Variants in MCTP1 observed in about 807,000 individuals in gnomAD.
MCTP1 encodes the protein multiple C2 and transmembrane domain containing 1.
In MCTP1, 69 loss-of-function variants were observed where a neutral mutation model predicts 120.6. The ratio of observed to expected loss-of-function variants is 0.57; its 90% CI spans 0.47 to 0.70. The LOEUF (loss-of-function observed/expected upper bound fraction) is 0.70. MCTP1 is among the 30% of genes least tolerant of loss of function. The probability of loss-of-function intolerance (pLI) is 0.00; values close to 1 mark genes in which losing one functional copy is unlikely to be tolerated. For synonymous variants in MCTP1, 529 were observed against 493.1 expected, an observed-to-expected ratio of 1.07 and a Z score of -0.96; for missense variants, 1,203 against 1,248.8, an observed-to-expected ratio of 0.96 and a Z score of 0.55.
intron 2 of MCTP1, among the ~76,000 whole-genome samples, chr5:94,957,597 A>G (rs1822961896): frequency 6.6e-6 from 1 of 152,080 alleles, no homozygotes; most frequent in Non-Finnish European, 1.5e-5. Flanking sequence ...GAAAAAAAAG[A>G]AAAAGCAGGG....
At chr5:94,754,081 C>T (rs13175855) in intron 19 of MCTP1, among the ~76,000 whole-genome samples, 19,767 of 152,062 alleles carry the variant, frequency 0.13, 1,588 homozygotes, top group East Asian at 0.26. Context: ...TTTTTAAAAA[C>T]GGGTCTTAAT....
At chr5:95,112,652 C>T (rs1757547109) in intron 1 of MCTP1, among the ~76,000 whole-genome samples, 1 of 152,066 alleles carries the variant, frequency 6.6e-6, no homozygotes, top group Admixed American at 6.5e-5. Context: ...CATGTCACAC[C>T]ATTACTTATT....
chr5:94,818,163 G>A (rs773243818), intron 17 of MCTP1, among the ~76,000 whole-genome samples: 3 of 152,254 alleles, frequency 2.0e-5, no homozygotes, highest in Admixed American at 1.3e-4. Context: ...GAATGCTAAC[G>A]CAGAGGAAAA....
At chr5:95,281,643 T>G (rs1400565917) in intron 1 of MCTP1, among the ~76,000 whole-genome samples, 1 of 152,244 alleles carries the variant, frequency 6.6e-6, no homozygotes, top group African/African-American at 2.4e-5. Context: ...TTGAAAGATA[T>G]TTTAGCTTTT....
At chr5:95,178,182 C>T (rs895932008) in intron 1 of MCTP1, among the ~76,000 whole-genome samples, 6 of 152,210 alleles carry the variant, frequency 3.9e-5, no homozygotes, top group Admixed American at 1.3e-4. Context: ...TCCCCCACAG[C>T]AGCTGCAGCA....
chr5:95,218,142 C>T (rs1209104622), intron 1 of MCTP1, among the ~76,000 whole-genome samples: 2 of 152,158 alleles, frequency 1.3e-5, no homozygotes, highest in Non-Finnish European at 2.9e-5. Context: ...AATTTCTAGT[C>T]CTCCAAATGA....
chr5:94,854,939 T>C (rs1056894295), intron 17 of MCTP1, among the ~76,000 whole-genome samples: 1 of 151,868 alleles, frequency 6.6e-6, no homozygotes, highest in Non-Finnish European at 1.5e-5. Context: ...ATTTCTGTGG[T>C]TTCTGGATGG....
At chr5:94,988,836 G>A (rs1830939644) in intron 2 of MCTP1, among the ~76,000 whole-genome samples, 1 of 152,094 alleles carries the variant, frequency 6.6e-6, no homozygotes, top group African/African-American at 2.4e-5. Flanking sequence ...TATGGCAGAA[G>A]GCACCTCTTC....
rs188014321 is a variant in MCTP1 at position 95,148,774 on chromosome 5, T to C, written c.721-131290A>G. 5.9e-5 allele frequency among the ~76,000 whole-genome samples: 9 copies of C among 152,278 alleles called. No individual in the cohort carries two copies. In the East Asian group the frequency reaches 1.5e-3, roughly 26 times the overall value. ...TCTGTTTTTTTTTAATTGCCAGAAT[T>C]CCTGTGTTGATTCTTTCTCATCTGA... is the stretch of plus-strand genomic sequence containing the variant. On this transcript the variant is annotated intron_variant, in intron 1 of 22. Transcript: ENST00000515393.
intron 1 of MCTP1, among the ~76,000 whole-genome samples, chr5:95,094,222 G>A (rs1756055820): frequency 6.6e-6 from 1 of 152,132 alleles, no homozygotes; most frequent in Admixed American, 6.5e-5. Flanking sequence ...CTTTCCTACT[G>A]TCTTCTATTT....
At chr5:95,133,258 G>A (rs191654479) in intron 1 of MCTP1, among the ~76,000 whole-genome samples, 23 of 152,290 alleles carry the variant, frequency 1.5e-4, no homozygotes, top group Admixed American at 3.3e-4. Context: ...TGAAACCATG[G>A]ATAGCACTGA....
intron 19 of MCTP1, among the ~76,000 whole-genome samples, chr5:94,744,192 C>T (rs1766323492): frequency 6.6e-6 from 1 of 152,080 alleles, no homozygotes; most frequent in African/African-American, 2.4e-5. Context: ...TGGTCTCTAA[C>T]TCCTGGGCTG....
chr5:94,828,246 G>T (rs1787686020), intron 17 of MCTP1, among the ~76,000 whole-genome samples: 1 of 152,094 alleles, frequency 6.6e-6, no homozygotes, highest in Non-Finnish European at 1.5e-5. Flanking sequence ...AGTTTGCTGG[G>T]GGTCCACCCT....
chr5:95,025,436 C>A (rs1383591175), intron 1 of MCTP1, among the ~76,000 whole-genome samples: 1 of 152,122 alleles, frequency 6.6e-6, no homozygotes, highest in African/African-American at 2.4e-5. Flanking sequence ...TAAGAAGTTT[C>A]TATGGTAATA....
At chr5:94,963,955 T>C (rs1256552026) in intron 2 of MCTP1, among the ~76,000 whole-genome samples, 1 of 152,188 alleles carries the variant, frequency 6.6e-6, no homozygotes, top group East Asian at 1.9e-4. Flanking sequence ...AGGTCTTACG[T>C]TTAAGTCTTT....
chr5:95,243,395 A>T (rs1756387444), intron 1 of MCTP1, among the ~76,000 whole-genome samples: 1 of 152,146 alleles, frequency 6.6e-6, no homozygotes, highest in South Asian at 2.1e-4. Context: ...TGTGAGGAAA[A>T]AGAGGGACGT....
In MCTP1 at chr5:94,840,569, A is replaced by AT. The variant is rs545137593; in HGVS notation, c.2436+27763dup. On this transcript the variant is annotated intron_variant, in intron 17 of 22. Transcript: ENST00000515393. ...GTTCTCACCCTTTTCATATAACACC[A>AT]TTTTTTTTTCTTTATGTCTAGTTTT... 1.9e-3 allele frequency among the ~76,000 whole-genome samples: 292 copies of AT among 150,946 alleles called. 1 individual carries two copies. Among genetic ancestry groups the AT allele is most frequent in the Non-Finnish European group, 3.3e-3 (224 of 67,672 alleles).
chr5:94,787,088 T>C (rs1228921543), intron 18 of MCTP1, among the ~76,000 whole-genome samples: 2 of 152,048 alleles, frequency 1.3e-5, no homozygotes, highest in Non-Finnish European at 2.9e-5. Flanking sequence ...AAGAAGAATT[T>C]TGCTTTTGGA....
At chr5:95,055,607 T>C (rs998113058) in intron 1 of MCTP1, among the ~76,000 whole-genome samples, 4 of 152,236 alleles carry the variant, frequency 2.6e-5, no homozygotes, top group Non-Finnish European at 5.9e-5. Context: ...TAAAAGTGCA[T>C]TTCACAGCTA....
Sources: allele counts gnomAD v4.1 joint callset (sites outside exome capture counted in the v4.1 genomes callset), GRCh38; gene constraint gnomAD v4.1.1; transcripts MANE v1.5; gene names NCBI Gene and HGNC (gene_info 2026-07-23, HGNC 2026-07-21).